MAPK4: variants seen among roughly 807,000 people sequenced by gnomAD.
MAPK4 encodes Erk3-related.
MAPK4 carries 22 observed loss-of-function variants against 47.7 expected under a neutral mutation model. The observed-to-expected ratio is 0.46, with a 90% CI of 0.33 to 0.66. The LOEUF (loss-of-function observed/expected upper bound fraction) is 0.66. MAPK4 is among the 30% of genes least tolerant of loss of function. MAPK4 has a pLI of 0.02. For missense variants in MAPK4, 736 were observed against 831.7 expected, an observed-to-expected ratio of 0.88 and a Z score of 1.42; for synonymous variants, 390 against 365.7, an observed-to-expected ratio of 1.07 and a Z score of -0.76.
At chr18:50,693,064 T>C (rs1387523771) in intron 2 of MAPK4, among the ~76,000 whole-genome samples, 1 of 152,094 alleles carries the variant, frequency 6.6e-6, no homozygotes, top group East Asian at 1.9e-4. Context: ...GAAACCAGCC[T>C]GGCCAACATG....
intron 1 of MAPK4, among the ~76,000 whole-genome samples, chr18:50,652,151 G>A (rs867892453): frequency 6.6e-6 from 1 of 152,180 alleles, no homozygotes; most frequent in African/African-American, 2.4e-5. Context: ...CACAGGCAGC[G>A]GCAGGACCAG....
At chr18:50,725,643 C>T (rs1911150980) in intron 4 of MAPK4, among the ~76,000 whole-genome samples, 2 of 152,164 alleles carry the variant, frequency 1.3e-5, no homozygotes, top group Admixed American at 1.3e-4. Flanking sequence ...TGCTGGGATC[C>T]CCCACCACAT....
chr18:50,672,093 C>T (rs1252499421), intron 2 of MAPK4, among the ~76,000 whole-genome samples: 1 of 152,038 alleles, frequency 6.6e-6, no homozygotes. Context: ...AGAGAGTGCC[C>T]TTTTAGTGTC....
intron 2 of MAPK4, among the ~76,000 whole-genome samples, chr18:50,691,985 T>C (rs6508025): frequency 0.24 from 35,734 of 151,984 alleles, 6,235 homozygotes; most frequent in African/African-American, 0.49. Context: ...TCTTTCAAAA[T>C]TCTTTGATAG....
At chr18:50,673,665 G>T (rs1245849780) in intron 2 of MAPK4, among the ~76,000 whole-genome samples, 5 of 152,128 alleles carry the variant, frequency 3.3e-5, no homozygotes, top group Admixed American at 3.3e-4. Flanking sequence ...GACCATCCTG[G>T]CTAACATGGT....
chr18:50,603,431 G>T (rs1339433573), intron 1 of MAPK4, among the ~76,000 whole-genome samples: 1 of 152,168 alleles, frequency 6.6e-6, no homozygotes, highest in African/African-American at 2.4e-5. Context: ...TTTCCTGCGT[G>T]TGCCCTGCCC....
intron 1 of MAPK4, among the ~76,000 whole-genome samples, chr18:50,631,011 A>G (rs918903629): frequency 7.9e-5 from 12 of 152,112 alleles, no homozygotes; most frequent in Non-Finnish European, 1.5e-4. Flanking sequence ...TGTATCCCCA[A>G]ACCAGCACTC....
chr18:50,648,313 T>A (rs1299891335), intron 1 of MAPK4, among the ~76,000 whole-genome samples: 1 of 151,970 alleles, frequency 6.6e-6, no homozygotes, highest in Non-Finnish European at 1.5e-5. Flanking sequence ...TCAGGGAAGA[T>A]CACCCCATTC....
At chr18:50,567,097 C>CT (rs543572517) in intron 1 of MAPK4, among the ~76,000 whole-genome samples, 41 of 143,002 alleles carry the variant, frequency 2.9e-4, no homozygotes, top group East Asian at 6.1e-4. Flanking sequence ...TTTATTGATG[C>CT]TTTTTTTTTT....
intron 1 of MAPK4, among the ~76,000 whole-genome samples, chr18:50,630,826 C>T (rs1284995426): frequency 6.6e-6 from 1 of 152,240 alleles, no homozygotes; most frequent in Non-Finnish European, 1.5e-5. Context: ...CCTGAATCAG[C>T]CTCCACATTT....
intron 2 of MAPK4, among the ~76,000 whole-genome samples, chr18:50,693,796 G>A (rs575919301): frequency 2.0e-5 from 3 of 149,758 alleles, no homozygotes; most frequent in East Asian, 3.9e-4. Context: ...AAAAACTAAG[G>A]CCTAGAGTGG....
At chr18:50,727,260 G>A (rs112309287) in intron 5 of MAPK4, among the ~76,000 whole-genome samples, 3 of 152,328 alleles carry the variant, frequency 2.0e-5, no homozygotes, top group East Asian at 1.9e-4. Context: ...AACAGCAGTC[G>A]AGGGCTCAAG....
intron 1 of MAPK4, among the ~76,000 whole-genome samples, chr18:50,644,038 C>T (rs577281090): frequency 6.6e-6 from 1 of 152,016 alleles, no homozygotes; most frequent in African/African-American, 2.4e-5. Context: ...CCTGCAGATC[C>T]ACATCTTAGT....
intron 2 of MAPK4, chr18:50,669,741 T>C (rs900896854): frequency 6.6e-6 from 1 of 152,268 alleles, no homozygotes; most frequent in Non-Finnish European, 1.5e-5. Context: ...TAGGTGGGTA[T>C]GGTATAATAC....
chr18:50,586,338 C>A (rs927131124), intron 1 of MAPK4, among the ~76,000 whole-genome samples: 9 of 151,774 alleles, frequency 5.9e-5, no homozygotes, highest in African/African-American at 2.2e-4. Context: ...AAAGAGACAT[C>A]CTATAAAAAT....
chr18:50,717,883 C>T (rs555580579), intron 3 of MAPK4, among the ~76,000 whole-genome samples: 2 of 152,220 alleles, frequency 1.3e-5, no homozygotes, highest in Non-Finnish European at 2.9e-5. Flanking sequence ...CCTGTCAAAG[C>T]CCCTGGCTCT....
chr18:50,712,129 A>G (rs1910399666), intron 2 of MAPK4, among the ~76,000 whole-genome samples: 2 of 152,158 alleles, frequency 1.3e-5, no homozygotes, highest in South Asian at 2.1e-4. Context: ...AAACATATCA[A>G]CAAATCCCCT....
chr18:50,714,996 A>G (rs1167614523), intron 2 of MAPK4, 83 bp from the exon 3 acceptor site: 6 of 1,401,630 alleles, frequency 4.3e-6, no homozygotes, highest in Middle Eastern at 1.8e-4. Flanking sequence ...GGTCTGTTTC[A>G]TGGGAGGGGA....
chr18:50,560,673 C>T (rs11660095), intron 1 of MAPK4: 61,767 of 152,438 alleles, frequency 0.41, 13,445 homozygotes, highest in Non-Finnish European at 0.49. Context: ...TCCCGATTAT[C>T]CTCCCCTCCA....
Sources: gnomAD v4.1 joint callset for allele counts (sites outside exome capture counted in the v4.1 genomes callset) on GRCh38, gnomAD v4.1.1 for gene constraint, MANE v1.5 for transcripts, NCBI Gene and HGNC (gene_info 2026-07-23, HGNC 2026-07-21) for gene names.